DCAF7: variants seen among roughly 807,000 people sequenced by gnomAD.
The protein encoded by DCAF7 is DDB1- and CUL4-associated factor 7.
DCAF7 carries 4 observed loss-of-function variants against 41.2 expected under a neutral mutation model. The observed-to-expected ratio is 0.10, with a 90% CI of 0.05 to 0.22. The LOEUF is 0.22. Ranked by LOEUF, DCAF7 falls within the 10% of genes least tolerant of loss-of-function variation. The probability of loss-of-function intolerance (pLI) is 1.00; values close to 1 mark genes in which losing one functional copy is unlikely to be tolerated. For missense variants in DCAF7, 131 were observed against 443.2 expected (o/e 0.30, Z 6.32); for synonymous variants, 143 against 164.2 (o/e 0.87, Z 0.99).
chr17:63,555,790 T>TA (rs753048032), intron 1 of DCAF7, among the ~76,000 whole-genome samples: 12 of 151,864 alleles, frequency 7.9e-5, no homozygotes, highest in African/African-American at 1.7e-4. Flanking sequence ...GATAATGCTT[T>TA]AAAAAAAAAT....
intron 1 of DCAF7, among the ~76,000 whole-genome samples, chr17:63,571,509 T>A (rs959988986): frequency 2.0e-5 from 3 of 152,124 alleles, no homozygotes; most frequent in African/African-American, 7.2e-5. Flanking sequence ...TGTGGTGGGA[T>A]TTTAATTTTA....
chr17:63,562,186 G>A (rs2033389861), intron 1 of DCAF7, among the ~76,000 whole-genome samples: 1 of 152,182 alleles, frequency 6.6e-6, no homozygotes, highest in Non-Finnish European at 1.5e-5. Flanking sequence ...TATGTGATAA[G>A]ATAGAACTGT....
At chr17:63,555,808 T>G (rs2033304812) in intron 1 of DCAF7, among the ~76,000 whole-genome samples, 1 of 152,220 alleles carries the variant, frequency 6.6e-6, no homozygotes, top group African/African-American at 2.4e-5. Flanking sequence ...AATGCTACTT[T>G]ATTGCTTTTT....
At chr17:63,560,546 C>T (rs2147761579) in intron 1 of DCAF7, among the ~76,000 whole-genome samples, 1 of 152,170 alleles carries the variant, frequency 6.6e-6, no homozygotes, top group South Asian at 2.1e-4. Flanking sequence ...TTTTTAAAAG[C>T]ATATGCATAT....
chr17:63,573,344 A>G (rs1413735903), intron 1 of DCAF7: 2 of 151,978 alleles, frequency 1.3e-5, no homozygotes, highest in Non-Finnish European at 1.5e-5. Flanking sequence ...TGAAGCAAGC[A>G]CTCTCATCTG....
chr17:63,562,333 T>A (rs9906747), intron 1 of DCAF7, among the ~76,000 whole-genome samples: 47,719 of 151,770 alleles, frequency 0.31, 9,196 homozygotes, highest in African/African-American at 0.55. Context: ...TCCACAAACA[T>A]TATTAGAAAG....
Position 63,574,110 on chromosome 17 carries a change from C to T in DCAF7, c.139-4360C>T, listed in dbSNP as rs116756916. 7.9e-3 allele frequency among the ~76,000 whole-genome samples: 1,199 copies of T among 152,316 alleles called. 16 individuals are homozygous for T. Among genetic ancestry groups the T allele is most frequent in the African/African-American group, 0.027 (1,126 of 41,566 alleles). On this transcript the variant is annotated intron_variant, in intron 1 of 6. Coordinates refer to ENST00000614556, the MANE Select transcript of DCAF7 (RefSeq NM_005828.5). ...CTCAAACAGGCCTGCTTGCTGCTATCAAATGGGTCATTTAGTTTGCCACCT... is the reference window on the plus strand; with the variant it reads ...CTCAAACAGGCCTGCTTGCTGCTATTAAATGGGTCATTTAGTTTGCCACCT...
chr17:63,571,532 T>G lies in DCAF7; in HGVS notation c.139-6938T>G, dbSNP rs112460366. On this transcript the variant is annotated intron_variant, in intron 1 of 6. Transcript: ENST00000614556. The stretch of plus-strand genomic sequence containing the variant: ...GATTTTAATTTTAATTTTTTGTGTG[T>G]GGGGGGGCAGTATTTTTTATAAAGA... 3.7e-3 allele frequency among the ~76,000 whole-genome samples: 560 copies of G among 150,390 alleles called. 2 individuals are homozygous for G. Among genetic ancestry groups the G allele is most frequent in the African/African-American group, 0.013 (527 of 39,872 alleles).
intron 5 of DCAF7, 121 bp from the exon 6 acceptor site, chr17:63,585,090 A>G (rs2033663308): frequency 1.4e-6 from 1 of 731,694 alleles, no homozygotes; most frequent in Non-Finnish European, 2.3e-6. Flanking sequence ...TCCTGTCTCT[A>G]GTTCTTTAAA....
chr17:63,581,406 T>C (rs1481917101), intron 4 of DCAF7, among the ~76,000 whole-genome samples: 1 of 152,190 alleles, frequency 6.6e-6, no homozygotes, highest in Non-Finnish European at 1.5e-5. Flanking sequence ...ATCCATAGAA[T>C]GGGAGCAGCA....
intron 1 of DCAF7, among the ~76,000 whole-genome samples, chr17:63,564,618 T>G (rs1456950621): frequency 1.3e-5 from 2 of 152,184 alleles, no homozygotes; most frequent in African/African-American, 4.8e-5. Flanking sequence ...CAGTTGTAGG[T>G]TCAGAGAAAC....
intron 1 of DCAF7, among the ~76,000 whole-genome samples, chr17:63,553,973 A>G (rs568244367): frequency 6.6e-6 from 1 of 152,236 alleles, no homozygotes; most frequent in African/African-American, 2.4e-5. Flanking sequence ...GGAGGCTGAG[A>G]TGGGAGAATC....
chr17:63,591,516 G>A lies in DCAF7; in HGVS notation c.*2344G>A, dbSNP rs1175185467. On this transcript the variant is annotated 3_prime_UTR_variant, in exon 7 of 7. Transcript: ENST00000614556. ...CCCTGAATGCCACCGGGGACCCAGG[G>A]GGACTCCACCCCCCTAAGCAAGCAC... 3 of 152,040 alleles carry A rather than the reference G, an allele frequency of 2.0e-5. No homozygotes were observed. The highest frequency in any genetic ancestry group is 4.4e-5 in the Non-Finnish European group (3 of 68,052). The allele number at this position is 152,040 out of a possible 1,614,324, so 9.4% of individuals were successfully genotyped here. A position where few individuals can be genotyped will look rare whatever the true frequency, so the allele number is the denominator to read the frequency against.
At chr17:63,582,145 G>T (rs147706429) in intron 4 of DCAF7, among the ~76,000 whole-genome samples, 1 of 152,218 alleles carries the variant, frequency 6.6e-6, no homozygotes, top group East Asian at 1.9e-4. Context: ...AGGCACGTCA[G>T]GCCTGAGTGC....
chr17:63,579,971 C>A (rs1280604561), intron 4 of DCAF7, 28 bp downstream of exon 4: 2 of 1,574,102 alleles, frequency 1.3e-6, no homozygotes, highest in Non-Finnish European at 1.7e-6. Context: ...TTCGTCTTTC[C>A]TCAAATGCTT....
chr17:63,569,735 T>C (rs1415989093), intron 1 of DCAF7, among the ~76,000 whole-genome samples: 1 of 152,160 alleles, frequency 6.6e-6, no homozygotes, highest in Non-Finnish European at 1.5e-5. Flanking sequence ...TGTTTTGAGA[T>C]GGAGTGTCAC....
intron 4 of DCAF7, among the ~76,000 whole-genome samples, chr17:63,582,737 G>A (rs2033637250): frequency 6.6e-6 from 1 of 152,114 alleles, no homozygotes; most frequent in South Asian, 2.1e-4. Context: ...CCAAAGTGCT[G>A]GGATTACAGG....
rs905445182 is a variant in DCAF7, at chr17:63,583,636, T to C, written c.663T>C (p.His221=). 2.5e-6 allele frequency: 4 copies of C among 1,613,056 alleles called. No homozygotes were observed. The highest frequency in any genetic ancestry group is 3.4e-6 in the Non-Finnish European group (4 of 1,179,182). Residue 221 remains histidine, a synonymous_variant, in exon 5 of 7, where the codon CAT becomes CAC. Coordinates refer to ENST00000614556, the MANE Select transcript of DCAF7 (RefSeq NM_005828.5). ...CCATCATTTACGAAGACCCACAGCA[T>C]CACCCACTGCTTCGCCTCTGCTGGA... ...HSTIIYEDPQ[H]HPLLRLCWNK...
intron 1 of DCAF7, among the ~76,000 whole-genome samples, chr17:63,563,864 G>T (rs879886835): frequency 6.6e-6 from 1 of 151,778 alleles, no homozygotes; most frequent in East Asian, 1.9e-4. Flanking sequence ...ATAAGTAGCG[G>T]CAAGTAAGAG....
Sources: allele counts gnomAD v4.1 joint callset (sites outside exome capture counted in the v4.1 genomes callset), GRCh38; gene constraint gnomAD v4.1.1; transcripts MANE v1.5; gene names NCBI Gene and HGNC (gene_info 2026-07-23, HGNC 2026-07-21).